Variants in ADCY8 observed in about 807,000 individuals in gnomAD.
ADCY8 encodes adenylate cyclase 8.
Under a neutral mutation model 119.7 loss-of-function variants are expected in ADCY8, and 51 were observed. The observed-to-expected ratio is 0.43, with a 90% CI of 0.34 to 0.54. The LOEUF (loss-of-function observed/expected upper bound fraction) is 0.54. Ranked by LOEUF, ADCY8 falls within the 20% of genes least tolerant of loss-of-function variation. ADCY8 has a pLI of 0.03. For synonymous variants in ADCY8, 665 were observed against 651.0 expected (o/e 1.02, Z -0.33); for missense variants, 1,383 against 1,598.8 (o/e 0.87, Z 2.30).
chr8:130,831,014 C>T (rs1816817884), intron 12 of ADCY8, among the ~76,000 whole-genome samples: 1 of 152,282 alleles, frequency 6.6e-6, no homozygotes, highest in Non-Finnish European at 1.5e-5. Flanking sequence ...GGACAAAACA[C>T]TAAATGCTTT....
intron 6 of ADCY8, 77 bp downstream of exon 6, chr8:130,909,631 T>C: frequency 1.3e-6 from 2 of 1,548,672 alleles, no homozygotes; most frequent in Non-Finnish European, 1.8e-6. Context: ...CCTGAATTTC[T>C]GTACACAGGA....
At chr8:130,927,828 C>G (rs1820517663) in intron 5 of ADCY8, among the ~76,000 whole-genome samples, 1 of 152,140 alleles carries the variant, frequency 6.6e-6, no homozygotes, top group Non-Finnish European at 1.5e-5. Context: ...GCTGGGACCT[C>G]CAGTACCTAT....
intron 2 of ADCY8, among the ~76,000 whole-genome samples, chr8:130,957,390 C>G (rs868823813): frequency 9.2e-5 from 14 of 152,084 alleles, no homozygotes; most frequent in African/African-American, 3.1e-4. Context: ...GAAAAGCATT[C>G]AAGAGATGAC....
At chr8:130,889,171 G>C (rs1819095827) in intron 7 of ADCY8, among the ~76,000 whole-genome samples, 1 of 152,074 alleles carries the variant, frequency 6.6e-6, no homozygotes, top group South Asian at 2.1e-4. Context: ...TTACAAAGTG[G>C]TTCTGTGGAC....
intron 8 of ADCY8, 135 bp from the exon 9 acceptor site, chr8:130,868,081 CA>C: frequency 1.7e-6 from 1 of 579,362 alleles, no homozygotes; most frequent in Non-Finnish European, 2.9e-6. Context: ...ATAAAACCTT[CA>C]CAGAGCATTA....
chr8:130,833,543 A>C (rs968951693), intron 12 of ADCY8, among the ~76,000 whole-genome samples: 10 of 152,202 alleles, frequency 6.6e-5, no homozygotes, highest in Non-Finnish European at 1.2e-4. Flanking sequence ...AACAGAAGGA[A>C]ACCCTGCCAC....
At chr8:130,974,481 A>G (rs1822013172) in intron 2 of ADCY8, among the ~76,000 whole-genome samples, 1 of 152,226 alleles carries the variant, frequency 6.6e-6, no homozygotes, top group South Asian at 2.1e-4. Context: ...AGTGGATCAT[A>G]CCCAGCAGGC....
At chr8:130,969,085 A>G (rs1821847634) in intron 2 of ADCY8, among the ~76,000 whole-genome samples, 1 of 152,200 alleles carries the variant, frequency 6.6e-6, no homozygotes, top group Non-Finnish European at 1.5e-5. Context: ...GCCATGGTGC[A>G]CAGATATTAG....
chr8:131,017,133 G>A (rs1210538737), intron 1 of ADCY8, among the ~76,000 whole-genome samples: 2 of 151,372 alleles, frequency 1.3e-5, no homozygotes, highest in Non-Finnish European at 1.5e-5. Context: ...GCAGCGGCAT[G>A]ATCTCGGTTC....
chr8:130,790,935 T>C (rs1815405288), intron 15 of ADCY8, among the ~76,000 whole-genome samples: 2 of 152,176 alleles, frequency 1.3e-5, no homozygotes, highest in South Asian at 4.1e-4. Flanking sequence ...GAGTAATCTC[T>C]TGATGATGTA....
intron 8 of ADCY8, among the ~76,000 whole-genome samples, chr8:130,880,030 G>A (rs1818710984): frequency 6.6e-6 from 1 of 152,104 alleles, no homozygotes; most frequent in African/African-American, 2.4e-5. Flanking sequence ...TAAAATGGGA[G>A]TTTCCCTGCA....
At chr8:130,959,081 A>G (rs1443452158) in intron 2 of ADCY8, among the ~76,000 whole-genome samples, 2 of 152,196 alleles carry the variant, frequency 1.3e-5, no homozygotes, top group Non-Finnish European at 1.5e-5. Flanking sequence ...TACAAGTAAT[A>G]ATTGTGAAGT....
chr8:131,001,091 C>G (rs1165838439), intron 1 of ADCY8, among the ~76,000 whole-genome samples: 3 of 152,080 alleles, frequency 2.0e-5, no homozygotes, highest in African/African-American at 7.2e-5. Flanking sequence ...TCAAGCACAC[C>G]ATAATATCTC....
At position 130,849,714 on chromosome 8, in the gene ADCY8, A is replaced by G. The variant is rs1817454178; in HGVS notation, c.2300T>C (p.Leu767Ser). Residue 767 changes from leucine to serine, a missense_variant, in exon 10 of 18, where the codon TTG becomes TCG. Coordinates refer to ENST00000286355, the MANE Select transcript of ADCY8 (RefSeq NM_001115.3). ...GCAAGTTTTCCGGAGGATGAGGGGC[A>G]AACATTTATAATCCTCTGCTGTGGT... ...LITTAEDYKC[L>S]PLILRKTCCW... The G allele has an allele frequency of 1.2e-6, 2 of 1,613,906 alleles. No homozygotes were observed. The highest frequency in any genetic ancestry group is 3.3e-5 in the Admixed American group (2 of 59,998).
intron 1 of ADCY8, among the ~76,000 whole-genome samples, chr8:131,021,585 T>A (rs901761308): frequency 6.6e-6 from 1 of 152,180 alleles, no homozygotes; most frequent in Non-Finnish European, 1.5e-5. Flanking sequence ...TCACACATTG[T>A]GGGAGGGAAC....
At chr8:130,798,268 A>G (rs1322055053) in intron 15 of ADCY8, among the ~76,000 whole-genome samples, 1 of 152,164 alleles carries the variant, frequency 6.6e-6, no homozygotes, top group Non-Finnish European at 1.5e-5. Flanking sequence ...TGAGTTTTTC[A>G]TTAAAAAAGG....
chr8:130,981,171 G>A (rs537502639), intron 2 of ADCY8, among the ~76,000 whole-genome samples: 6 of 152,138 alleles, frequency 3.9e-5, no homozygotes, highest in African/African-American at 1.2e-4. Flanking sequence ...AAGATTAGAA[G>A]GAAAAAAATT....
Position 130,825,515 on chromosome 8 carries a change from C to A in ADCY8, c.2676-4095G>T, listed in dbSNP as rs529155166. ...TGTACTGTGCCCTGTGATTTGTATT[C>A]ATATTTTGTGTTGTGTAACTCAGAC... On this transcript the variant is annotated intron_variant, in intron 12 of 17. Coordinates refer to ENST00000286355, the MANE Select transcript of ADCY8 (RefSeq NM_001115.3). 3.3e-5 allele frequency among the ~76,000 whole-genome samples: 5 copies of A among 152,192 alleles called. No individual in the cohort carries two copies. The East Asian group carries it at 9.7e-4, about 29-fold the overall frequency.
At chr8:131,014,776 T>C (rs1021812227) in intron 1 of ADCY8, among the ~76,000 whole-genome samples, 3 of 152,214 alleles carry the variant, frequency 2.0e-5, no homozygotes, top group African/African-American at 7.2e-5. Context: ...ACTTCATAGG[T>C]TGTTGTGACT....
Sources: gnomAD v4.1 joint callset for allele counts (sites outside exome capture counted in the v4.1 genomes callset) on GRCh38, gnomAD v4.1.1 for gene constraint, MANE v1.5 for transcripts, NCBI Gene and HGNC (gene_info 2026-07-23, HGNC 2026-07-21) for gene names.